The following ZNF704 variants were observed in gnomAD, a reference collection of about 807,000 sequenced individuals.
The protein encoded by ZNF704 is zinc finger protein 704, also known as glucocorticoid induced gene 1.
A neutral mutation model predicts 44.7 loss-of-function variants in ZNF704; 10 were observed. The ratio of observed to expected loss-of-function variants is 0.22; its 90% CI spans 0.14 to 0.38. The LOEUF (loss-of-function observed/expected upper bound fraction) is 0.38. Ranked by LOEUF, ZNF704 falls within the 10% of genes least tolerant of loss-of-function variation. The pLI, the probability that ZNF704 is intolerant of heterozygous loss-of-function variation, is 1.00. For synonymous variants in ZNF704, 211 were observed against 207.6 expected, an observed-to-expected ratio of 1.02 and a Z score of -0.14; for missense variants, 390 against 545.5, an observed-to-expected ratio of 0.71 and a Z score of 2.84.
chr8:80,768,478 A>C (rs1171216284), intron 2 of ZNF704, among the ~76,000 whole-genome samples: 1 of 152,144 alleles, frequency 6.6e-6, no homozygotes, highest in Non-Finnish European at 1.5e-5. Context: ...AATAATAATA[A>C]GGCATATTCT....
chr8:80,664,517 C>T lies in ZNF704; in HGVS notation c.927+298G>A, dbSNP rs141705712. The stretch of plus-strand genomic sequence containing the variant: ...AACTCCCGACCTCAGGTGATCCGCC[C>T]GCCTCAGCCTCCCAGAGTGTTTGGG... On this transcript the variant is annotated intron_variant, in intron 6 of 8. Transcript: ENST00000327835. Among the ~76,000 whole-genome samples, 606 of 152,066 alleles carry T rather than the reference C, an allele frequency of 4.0e-3. 10 individuals carry two copies. Among genetic ancestry groups the T allele is most frequent in the Admixed American group, 0.027 (406 of 15,290 alleles).
At chr8:80,650,618 A>G (rs1817902437) in intron 7 of ZNF704, among the ~76,000 whole-genome samples, 1 of 152,242 alleles carries the variant, frequency 6.6e-6, no homozygotes, top group African/African-American at 2.4e-5. Context: ...TTTAGACAAA[A>G]AAGAATAAAA....
At chr8:80,828,188 A>G (rs530238063) in intron 1 of ZNF704, among the ~76,000 whole-genome samples, 90 of 152,372 alleles carry the variant, frequency 5.9e-4, no homozygotes, top group African/African-American at 1.9e-3. Context: ...TCAGCAGTTA[A>G]GATTTTAACA....
At chr8:80,871,927 G>A (rs958261720) in intron 1 of ZNF704, among the ~76,000 whole-genome samples, 2 of 152,180 alleles carry the variant, frequency 1.3e-5, no homozygotes, top group African/African-American at 4.8e-5. Context: ...TTTACTTGAA[G>A]ATGTGAAAAA....
the ZNF704 span, among the ~76,000 whole-genome samples, chr8:80,884,219 G>A: frequency 5.1e-4 from 78 of 152,288 alleles, no homozygotes; most frequent in African/African-American, 1.8e-3. Flanking sequence ...CTGTCCTTCC[G>A]GTCGACAATG....
At chr8:80,705,431 T>A (rs985567711) in intron 2 of ZNF704, among the ~76,000 whole-genome samples, 1 of 151,786 alleles carries the variant, frequency 6.6e-6, no homozygotes, top group Non-Finnish European at 1.5e-5. Flanking sequence ...TGTGTTCATG[T>A]GGGTTGATGT....
intron 2 of ZNF704, among the ~76,000 whole-genome samples, chr8:80,798,544 G>A (rs958980131): frequency 2.6e-5 from 4 of 152,104 alleles, no homozygotes; most frequent in African/African-American, 4.8e-5. Flanking sequence ...CGTGAGCCAC[G>A]ATGCCCGGCC....
chr8:80,809,220 A>C (rs112290575), intron 2 of ZNF704, among the ~76,000 whole-genome samples: 8,877 of 152,204 alleles, frequency 0.058, 287 homozygotes, highest in Middle Eastern at 0.13. Flanking sequence ...GAACCTGGGA[A>C]GTGGAGGTTG....
In ZNF704 at chr8:80,637,177, C is replaced by G. The variant is rs1817676898; in HGVS notation, c.*4189G>C. 6.6e-6 allele frequency: 1 copy of G among 151,192 alleles called. No individual in the cohort carries two copies. The highest frequency in any genetic ancestry group is 6.6e-5 in the Admixed American group (1 of 15,128). The allele number at this position is 151,192 out of a possible 1,614,324, so 9.4% of individuals were successfully genotyped here. On this transcript the variant is annotated 3_prime_UTR_variant, in exon 9 of 9. Transcript: ENST00000327835. ...TCACAAATGTCAGTACTGCCCAGTT[C>G]ACATAAATTTGTCTTGAAATGATAC...
At chr8:80,881,763 A>G in the ZNF704 span, among the ~76,000 whole-genome samples, 2 of 152,130 alleles carry the variant, frequency 1.3e-5, no homozygotes, top group African/African-American at 4.8e-5. Context: ...TCCCATCTCT[A>G]CTAAAAATAC....
intron 1 of ZNF704, among the ~76,000 whole-genome samples, chr8:80,835,978 G>A (rs79683218): frequency 1.3e-5 from 2 of 152,038 alleles, no homozygotes; most frequent in Non-Finnish European, 2.9e-5. Flanking sequence ...TCTCTTACCT[G>A]GATCTGTACA....
chr8:80,767,228 T>A (rs1807242538), intron 2 of ZNF704, among the ~76,000 whole-genome samples: 1 of 152,138 alleles, frequency 6.6e-6, no homozygotes, highest in African/African-American at 2.4e-5. Context: ...CTGTCATCTT[T>A]CAAAGACTTG....
chr8:80,632,561 G>A lies in ZNF704; in HGVS notation c.*8805C>T, dbSNP rs1384985107. 2 of 152,218 alleles carry A rather than the reference G, an allele frequency of 1.3e-5. No homozygotes were observed. The highest frequency in any genetic ancestry group is 4.8e-5 in the African/African-American group (2 of 41,464). The allele number at this position is 152,218 out of a possible 1,614,324, so 9.4% of individuals were successfully genotyped here. On this transcript the variant is annotated 3_prime_UTR_variant, in exon 9 of 9. Coordinates refer to ENST00000327835, the MANE Select transcript of ZNF704 (RefSeq NM_001033723.3). ...AGCAAGATAATGTAATAGTTAATTA[G>A]ACTTGAGAATTGATTTTTAGTATTT...
At chr8:80,812,965 G>C (rs894586966) in intron 2 of ZNF704, among the ~76,000 whole-genome samples, 1 of 152,128 alleles carries the variant, frequency 6.6e-6, no homozygotes, top group African/African-American at 2.4e-5. Flanking sequence ...TTTACATTTT[G>C]AGTGGATATA....
In ZNF704 at chr8:80,628,865, A is replaced by G. The variant is rs1817542637; in HGVS notation, c.*12501T>C. On this transcript the variant is annotated 3_prime_UTR_variant, in exon 9 of 9. Transcript: ENST00000327835. The stretch of plus-strand genomic sequence containing the variant: ...CACTTAAACGGGCCACAGAAACTGT[A>G]AACATTTGGTGGTCTCTTGATGCCC... 1 of 152,234 alleles carries G rather than the reference A, an allele frequency of 6.6e-6. No homozygotes were observed. The highest frequency in any genetic ancestry group is 2.4e-5 in the African/African-American group (1 of 41,464). 9.4% of individuals were successfully genotyped at this position (152,234 alleles called of 1,614,324 possible). A position where few individuals can be genotyped will look rare whatever the true frequency, so the allele number is the denominator to read the frequency against.
At chr8:80,779,950 C>T (rs1410886656) in intron 2 of ZNF704, among the ~76,000 whole-genome samples, 112 of 151,626 alleles carry the variant, frequency 7.4e-4, no homozygotes, top group South Asian at 2.1e-4. Flanking sequence ...TGTGAGGTGC[C>T]GAAGGCTCAG....
chr8:80,672,591 T>C (rs1054926001), intron 4 of ZNF704, among the ~76,000 whole-genome samples: 1 of 152,170 alleles, frequency 6.6e-6, no homozygotes, highest in African/African-American at 2.4e-5. Flanking sequence ...TGAAAAAGAA[T>C]GAAATTATGT....
At chr8:80,733,035 T>C (rs1806608741) in intron 2 of ZNF704, among the ~76,000 whole-genome samples, 1 of 151,700 alleles carries the variant, frequency 6.6e-6, no homozygotes, top group Non-Finnish European at 1.5e-5. Flanking sequence ...ATGAGAAAGA[T>C]TAAATGATTT....
Position 80,844,294 on chromosome 8 carries a change from C to T in ZNF704, c.-21-22679G>A, listed in dbSNP as rs185237919. Among the ~76,000 whole-genome samples the T allele has an allele frequency of 1.9e-3, 290 of 152,266 alleles. 7 individuals carry two copies. The highest frequency in any genetic ancestry group is 0.015 in the Admixed American group (226 of 15,290). ...TTCTAAAGGCTGGGAAGTACAAGAT[C>T]AAGGCACCAGCAGATTGGGTGTCTG... On this transcript the variant is annotated intron_variant, in intron 1 of 8. Coordinates refer to ENST00000327835, the MANE Select transcript of ZNF704 (RefSeq NM_001033723.3).
Sources: allele counts gnomAD v4.1 joint callset (sites outside exome capture counted in the v4.1 genomes callset), GRCh38; gene constraint gnomAD v4.1.1; transcripts MANE v1.5; gene names NCBI Gene and HGNC (gene_info 2026-07-23, HGNC 2026-07-21).